Variants in FAF1 observed in about 807,000 individuals in gnomAD.
FAF1 encodes the protein Fas associated factor 1, also known as FAS-associated factor 1.
FAF1 carries 25 observed loss-of-function variants against 92.5 expected under a neutral mutation model. That is an observed-to-expected ratio of 0.27 (90% CI 0.20 to 0.38). FAF1 has a LOEUF of 0.38. Ranked by LOEUF, FAF1 falls within the 10% of genes least tolerant of loss-of-function variation. FAF1 has a pLI of 1.00. For missense variants in FAF1, 636 were observed against 793.3 expected, an observed-to-expected ratio of 0.80 and a Z score of 2.38; for synonymous variants, 234 against 273.2, an observed-to-expected ratio of 0.86 and a Z score of 1.42.
intron 1 of FAF1, among the ~76,000 whole-genome samples, chr1:50,942,304 C>A (rs565221707): frequency 6.6e-6 from 1 of 152,266 alleles, no homozygotes; most frequent in South Asian, 2.1e-4. Context: ...AGTTTGAGAC[C>A]AGCCTGGGCA....
intron 8 of FAF1, among the ~76,000 whole-genome samples, chr1:50,613,393 T>C (rs1400273220): frequency 1.3e-5 from 2 of 152,196 alleles, no homozygotes; most frequent in East Asian, 3.8e-4. Context: ...AACTTACGCA[T>C]CTTCATTTTT....
intron 7 of FAF1, among the ~76,000 whole-genome samples, chr1:50,698,990 T>C (rs1326949350): frequency 6.6e-6 from 1 of 152,076 alleles, no homozygotes; most frequent in Non-Finnish European, 1.5e-5. Context: ...GAAGAGACGA[T>C]ACAAACTTTA....
intron 4 of FAF1, among the ~76,000 whole-genome samples, chr1:50,758,723 AT>A (rs1660188260): frequency 6.6e-6 from 1 of 152,100 alleles, no homozygotes; most frequent in Non-Finnish European, 1.5e-5. Flanking sequence ...TCCAGTCTTC[AT>A]TTCTGAAAGA....
intron 1 of FAF1, among the ~76,000 whole-genome samples, chr1:50,949,996 T>A (rs541919536): frequency 2.0e-5 from 3 of 148,686 alleles, no homozygotes; most frequent in African/African-American, 7.4e-5. Flanking sequence ...CCAGCTAATT[T>A]AAAAAAAAAA....
rs184874817 is a variant in FAF1 at position 50,665,859 on chromosome 1, G to A, written c.658-10331C>T. On this transcript the variant is annotated intron_variant, in intron 7 of 18. Coordinates refer to ENST00000396153, the MANE Select transcript of FAF1 (RefSeq NM_007051.3). The stretch of plus-strand genomic sequence containing the variant: ...TGTCTGTATAAGTATAGGTACATAT[G>A]TATGCATACCATATGTATGCACAGA... Among the ~76,000 whole-genome samples the A allele has an allele frequency of 2.2e-4, 33 of 152,204 alleles. 1 individual carries two copies. Among genetic ancestry groups the A allele is most frequent in the Admixed American group, 1.7e-3 (26 of 15,282 alleles).
chr1:50,536,718 A>AT (rs1485306084), intron 14 of FAF1, among the ~76,000 whole-genome samples: 1 of 152,148 alleles, frequency 6.6e-6, no homozygotes, highest in Non-Finnish European at 1.5e-5. Context: ...TCCATTACTT[A>AT]CAAGCTATAT....
chr1:50,629,161 C>CTTTTTTT (rs759732173), intron 8 of FAF1, among the ~76,000 whole-genome samples: 2 of 110,728 alleles, frequency 1.8e-5, no homozygotes, highest in Non-Finnish European at 1.8e-5. Flanking sequence ...CAGATAGATG[C>CTTTTTTT]TTTTTTTTTT....
At chr1:50,770,874 CAGTA>C (rs1660752093) in intron 4 of FAF1, among the ~76,000 whole-genome samples, 1 of 152,182 alleles carries the variant, frequency 6.6e-6, no homozygotes, top group African/African-American at 2.4e-5. Context: ...TACAAGGCTG[CAGTA>C]ACCATAACAG....
chr1:50,507,542 T>G (rs1002791964), intron 15 of FAF1, among the ~76,000 whole-genome samples: 1 of 152,026 alleles, frequency 6.6e-6, no homozygotes, highest in Non-Finnish European at 1.5e-5. Flanking sequence ...GAGTTCAAGA[T>G]CAGCCTGGAT....
chr1:50,532,474 C>T (rs1572813415), intron 15 of FAF1, among the ~76,000 whole-genome samples: 2 of 152,250 alleles, frequency 1.3e-5, no homozygotes, highest in Admixed American at 6.5e-5. Context: ...TATTGTCAAT[C>T]AATGCCTCTG....
At chr1:50,543,449 A>G (rs1055946330) in intron 13 of FAF1, among the ~76,000 whole-genome samples, 1 of 152,180 alleles carries the variant, frequency 6.6e-6, no homozygotes, top group Non-Finnish European at 1.5e-5. Flanking sequence ...TGTGATTCCC[A>G]TGAGTTTAAA....
In FAF1 at chr1:50,576,545, T is replaced by C. The variant is rs1650743914; in HGVS notation, c.1113+6073A>G. ...AATGTCTAATGATTCTCCAGGGTAC[T>C]TTTGGTGGTGTAGAAGAAGAGAATT... is the stretch of plus-strand genomic sequence containing the variant. On this transcript the variant is annotated intron_variant, in intron 12 of 18. Coordinates refer to ENST00000396153, the MANE Select transcript of FAF1 (RefSeq NM_007051.3). 2.6e-5 allele frequency among the ~76,000 whole-genome samples: 4 copies of C among 152,126 alleles called. No homozygotes were observed. In the South Asian group the frequency reaches 8.3e-4, roughly 32 times the overall value.
rs1046732228 is a variant in FAF1, at chr1:50,960,216, G to GCCGCCT, written c.-411_-406dup. On this transcript the variant is annotated 5_prime_UTR_variant, in exon 1 of 19. Coordinates refer to ENST00000396153, the MANE Select transcript of FAF1 (RefSeq NM_007051.3). ...AGCGAGCGGGCGGGCGAACGCCGCG[G>GCCGCCT]CCGCCTCCGCCTCCTCCGCTTCCTC... The GCCGCCT allele has an allele frequency of 3.0e-6, 1 of 330,274 alleles. No homozygotes were observed. The allele number at this position is 330,274 out of a possible 1,614,324, so 20.5% of individuals were successfully genotyped here.
chr1:50,559,010 A>C (rs968885815), intron 13 of FAF1, among the ~76,000 whole-genome samples: 4 of 152,146 alleles, frequency 2.6e-5, no homozygotes, highest in Admixed American at 2.6e-4. Flanking sequence ...CAGCACTTTG[A>C]GAGGCCAATG....
chr1:50,536,911 A>C (rs1265333645), intron 14 of FAF1, among the ~76,000 whole-genome samples: 1 of 152,188 alleles, frequency 6.6e-6, no homozygotes, highest in East Asian at 1.9e-4. Context: ...AGTATATACA[A>C]ATCATTGGTA....
chr1:50,478,772 T>C (rs1646666925), intron 17 of FAF1, among the ~76,000 whole-genome samples: 1 of 152,230 alleles, frequency 6.6e-6, no homozygotes, highest in Non-Finnish European at 1.5e-5. Flanking sequence ...GCATATTTTA[T>C]ATATTTGAAA....
intron 2 of FAF1, among the ~76,000 whole-genome samples, chr1:50,856,689 T>C (rs565615381): frequency 4.0e-5 from 6 of 151,308 alleles, no homozygotes; most frequent in Admixed American, 3.3e-4. Context: ...AATTCAATTA[T>C]GAATTGAATT....
intron 13 of FAF1, among the ~76,000 whole-genome samples, chr1:50,559,156 CAGG>C (rs1649738741): frequency 6.6e-6 from 1 of 151,332 alleles, no homozygotes; most frequent in Admixed American, 6.6e-5. Flanking sequence ...GAGGCTAAGA[CAGG>C]AGAATTGCTT....
At chr1:50,591,712 A>G (rs143689674) in intron 9 of FAF1, among the ~76,000 whole-genome samples, 1 of 150,136 alleles carries the variant, frequency 6.7e-6, no homozygotes, top group African/African-American at 2.4e-5. Context: ...ACTGCTTTCT[A>G]CAGTTCCAAA....
Sources: allele counts gnomAD v4.1 joint callset (sites outside exome capture counted in the v4.1 genomes callset), GRCh38; gene constraint gnomAD v4.1.1; transcripts MANE v1.5; gene names NCBI Gene and HGNC (gene_info 2026-07-23, HGNC 2026-07-21).